The following TRAPPC9 variants were observed in gnomAD, a reference collection of about 807,000 sequenced individuals.
The protein encoded by TRAPPC9 is trafficking protein particle complex subunit 9.
TRAPPC9 carries 83 observed loss-of-function variants against 124.0 expected under a neutral mutation model. That is an observed-to-expected ratio of 0.67 (90% CI 0.56 to 0.80). TRAPPC9 has a LOEUF of 0.80. Among genes scored for constraint, TRAPPC9 ranks in the 30% least tolerant of loss-of-function variants. TRAPPC9 has a pLI of 0.00. For synonymous variants in TRAPPC9, 638 were observed against 617.5 expected (o/e 1.03, Z -0.49); for missense variants, 1,302 against 1,508.3 (o/e 0.86, Z 2.27).
At chr8:140,280,084 C>T (rs899089852) in intron 14 of TRAPPC9, among the ~76,000 whole-genome samples, 9 of 152,290 alleles carry the variant, frequency 5.9e-5, no homozygotes, top group African/African-American at 1.7e-4. Flanking sequence ...CCTGTGAGCG[C>T]GTGCCGTGAC....
chr8:139,763,639 T>C (rs1234164346), intron 21 of TRAPPC9, among the ~76,000 whole-genome samples: 1 of 152,058 alleles, frequency 6.6e-6, no homozygotes, highest in Non-Finnish European at 1.5e-5. Flanking sequence ...CGTGCACACA[T>C]GTGCACACAG....
intron 9 of TRAPPC9, among the ~76,000 whole-genome samples, chr8:140,352,780 G>A (rs1204266847): frequency 6.6e-6 from 1 of 152,082 alleles, no homozygotes; most frequent in Non-Finnish European, 1.5e-5. Context: ...GCACATCTTG[G>A]AAAAGAATCA....
chr8:140,394,056 T>C (rs905806179), intron 7 of TRAPPC9, among the ~76,000 whole-genome samples: 1 of 152,246 alleles, frequency 6.6e-6, no homozygotes, highest in Admixed American at 6.5e-5. Context: ...AAGGACAGGC[T>C]GCTCCAAAGA....
intron 19 of TRAPPC9, among the ~76,000 whole-genome samples, chr8:139,929,519 A>C: frequency 6.8e-6 from 1 of 147,006 alleles, no homozygotes; most frequent in African/African-American, 2.4e-5. Context: ...GCGGATCATG[A>C]GAAAAAAAAA....
At chr8:140,261,134 T>G (rs1172611592) in intron 15 of TRAPPC9, among the ~76,000 whole-genome samples, 2 of 152,198 alleles carry the variant, frequency 1.3e-5, no homozygotes, top group Admixed American at 6.5e-5. Context: ...CATAAGGACT[T>G]TCTGCGGCAC....
intron 15 of TRAPPC9, among the ~76,000 whole-genome samples, chr8:140,269,389 A>C (rs2064802412): frequency 6.6e-6 from 1 of 151,870 alleles, no homozygotes; most frequent in South Asian, 2.1e-4. Flanking sequence ...AAAATACAAA[A>C]AATTAGCTGG....
intron 17 of TRAPPC9, among the ~76,000 whole-genome samples, chr8:140,102,459 C>G (rs1160066198): frequency 6.6e-6 from 1 of 151,308 alleles, no homozygotes; most frequent in Non-Finnish European, 1.5e-5. Flanking sequence ...AAATAAAATA[C>G]CAGCCTCCCC....
intron 17 of TRAPPC9, among the ~76,000 whole-genome samples, chr8:140,168,393 C>G (rs1219279772): frequency 6.6e-6 from 1 of 152,152 alleles, no homozygotes; most frequent in East Asian, 1.9e-4. Context: ...AACCCTATAC[C>G]CATTTAGCAG....
chr8:140,283,740 G>A (rs972384269), intron 14 of TRAPPC9, 149 bp downstream of exon 14: 37 of 810,418 alleles, frequency 4.6e-5, no homozygotes, highest in Middle Eastern at 6.6e-4. Context: ...TAAGCAAAGC[G>A]TATTGATGTT....
chr8:139,747,993 G>T (rs2035090), intron 21 of TRAPPC9, among the ~76,000 whole-genome samples: 15 of 46,562 alleles, frequency 3.2e-4, no homozygotes, highest in East Asian at 2.2e-3. Context: ...GATGCAGGGG[G>T]TATACACAGC....
rs577957718 is a variant in TRAPPC9, at chr8:139,731,083, C to T, written c.3425G>A (p.Cys1142Tyr). 1.2e-6 allele frequency: 2 copies of T among 1,613,356 alleles called. No individual in the cohort carries two copies. Among genetic ancestry groups the T allele is most frequent in the East Asian group, 2.2e-5 (1 of 44,836 alleles). The change falls in exon 23 of 23, where the codon TGT becomes TAT. Residue 1142 changes from cysteine to tyrosine, a missense_variant. Physicochemically the swap from Cys to Tyr is radical, Grantham distance 194 (BLOSUM62 -2). Coordinates refer to ENST00000438773, the MANE Select transcript of TRAPPC9 (RefSeq NM_001160372.4). The stretch of plus-strand genomic sequence containing the variant: ...GGCTCAGGCCTGCGCCTCCAGGGCA[C>T]ACACGTGCACACTGGGCAGGCAGAA... ...SWFCLPSVHVCALEAQA is the reference protein window; with the variant it reads ...SWFCLPSVHVYALEAQA
chr8:139,869,393 G>A (rs1481089691), intron 21 of TRAPPC9, among the ~76,000 whole-genome samples: 1 of 152,194 alleles, frequency 6.6e-6, no homozygotes, highest in African/African-American at 2.4e-5. Context: ...ACAGTTATGA[G>A]CATCTGTGTG....
chr8:140,422,402 G>A (rs1476521571), intron 5 of TRAPPC9, among the ~76,000 whole-genome samples: 1 of 152,080 alleles, frequency 6.6e-6, no homozygotes, highest in Non-Finnish European at 1.5e-5. Context: ...ATAACACACA[G>A]AATGAAAGAA....
intron 17 of TRAPPC9, among the ~76,000 whole-genome samples, chr8:140,026,901 T>G (rs1296991206): frequency 6.6e-6 from 1 of 152,154 alleles, no homozygotes; most frequent in African/African-American, 2.4e-5. Context: ...AGGATCATAT[T>G]TTGGCCTCAC....
chr8:140,250,929 A>C (rs2131495643), intron 16 of TRAPPC9, among the ~76,000 whole-genome samples: 1 of 152,222 alleles, frequency 6.6e-6, no homozygotes, highest in South Asian at 2.1e-4. Context: ...ACAAGTCCCA[A>C]ATTGCAATTT....
chr8:140,352,501 T>C (rs1216597566), intron 9 of TRAPPC9, among the ~76,000 whole-genome samples: 1 of 152,098 alleles, frequency 6.6e-6, no homozygotes, highest in Non-Finnish European at 1.5e-5. Flanking sequence ...AGCCTAATCT[T>C]GATCCACACT....
intron 9 of TRAPPC9, among the ~76,000 whole-genome samples, chr8:140,321,721 A>C (rs1290076908): frequency 6.6e-6 from 1 of 152,108 alleles, no homozygotes; most frequent in Non-Finnish European, 1.5e-5. Flanking sequence ...CCCATGGGCA[A>C]ATCTACCATT....
Position 140,257,301 on chromosome 8 carries a change from G to A in TRAPPC9, c.2279-4372C>T, listed in dbSNP as rs191672016. ...CCCATTCACCGTGCCTCAGTCCTCT[G>A]GCAGCTCAGAACGCAGTTGCTGCCT... On this transcript the variant is annotated intron_variant, in intron 15 of 22. Coordinates refer to ENST00000438773, the MANE Select transcript of TRAPPC9 (RefSeq NM_001160372.4). This position sits in a 1 kb window ranked among gnomAD's most constrained non-coding sequence, Gnocchi z 4.6. 1.5e-3 allele frequency among the ~76,000 whole-genome samples: 223 copies of A among 152,332 alleles called. No homozygotes were observed. Among genetic ancestry groups the A allele is most frequent in the African/African-American group, 5.1e-3 (210 of 41,578 alleles).
rs75965764 is a variant in TRAPPC9, at chr8:140,334,329, T to C, written c.1496-22955A>G. Among the ~76,000 whole-genome samples, 172 of 151,984 alleles carry C rather than the reference T, an allele frequency of 1.1e-3. 2 individuals are homozygous for C. In the East Asian group the frequency reaches 0.023, roughly 21 times the overall value. On this transcript the variant is annotated intron_variant, in intron 9 of 22. Coordinates refer to ENST00000438773, the MANE Select transcript of TRAPPC9 (RefSeq NM_001160372.4). ...GTCTCAATTGATACATTTTAGGAAA[T>C]AATTTGAGAAAGGCAATGTGAAATT...
Sources: gnomAD v4.1 joint callset for allele counts (sites outside exome capture counted in the v4.1 genomes callset) on GRCh38, gnomAD v4.1.1 for gene constraint, Gnocchi (gnomAD v3.1) non-coding constraint, MANE v1.5 for transcripts, NCBI Gene and HGNC (gene_info 2026-07-23, HGNC 2026-07-21) for gene names.